The following DHX34 variants were observed in gnomAD, a reference collection of about 807,000 sequenced individuals.
DHX34 encodes DExH-box helicase 34.
DHX34 carries 96 observed loss-of-function variants against 111.1 expected under a neutral mutation model. That is an observed-to-expected ratio of 0.86 (90% CI 0.73 to 1.02). The LOEUF is 1.02. Among genes scored for constraint, DHX34 ranks in the 50% least tolerant of loss-of-function variants. DHX34 has a pLI of 0.00. For synonymous variants in DHX34, 688 were observed against 670.4 expected (o/e 1.03, Z -0.41); for missense variants, 1,560 against 1,579.9 (o/e 0.99, Z 0.21).
chr19:47,354,842 TG>T, intron 2 of DHX34, 196 bp from the exon 3 acceptor site: 2 of 505,744 alleles, frequency 4.0e-6, no homozygotes, highest in Non-Finnish European at 5.1e-6. Flanking sequence ...TTAGTAGAGA[TG>T]GGGTTTCTCT....
chr19:47,372,946 TCTGTCTGTCAC>T, intron 8 of DHX34, 23 bp downstream of exon 8: 1 of 1,378,368 alleles, frequency 7.3e-7, no homozygotes, highest in Non-Finnish European at 9.6e-7. Flanking sequence ...GTGGGGGCCC[TCTGTCTGTCAC>T]CCTGCTCAGG....
intron 3 of DHX34, chr19:47,357,613 AATTATC>A (rs1359309583): frequency 4.8e-6 from 2 of 417,372 alleles, no homozygotes; most frequent in African/African-American, 2.2e-5. Flanking sequence ...CACGACAAGG[AATTATC>A]CAGACTGAAA....
chr19:47,376,931 G>C, intron 12 of DHX34, 169 bp from the exon 13 acceptor site: 1 of 1,537,308 alleles, frequency 6.5e-7, no homozygotes, highest in Non-Finnish European at 8.7e-7. Flanking sequence ...CTGCGTGCTG[G>C]GAGTCACATT....
In DHX34 at chr19:47,353,506, G is replaced by A. The variant is rs116000939; in HGVS notation, c.476G>A (p.Arg159Gln). 952 of 1,613,888 alleles carry A rather than the reference G, an allele frequency of 5.9e-4. 2 individuals are homozygous for A. The African/African-American group carries it at 0.01, about 18-fold the overall frequency. ...FGRLAKLQRE[R>Q]AALPIAQYGN... is the part of the protein sequence containing the mutation. ...CGTCTGGCCAAGCTGCAGCGTGAGC[G>A]GGCAGCCCTCCCCATCGCCCAGTAT... The change falls in exon 2 of 17, where the codon CGG becomes CAG. Residue 159 changes from arginine (R) to glutamine (Q), a missense_variant. Coordinates refer to ENST00000328771, the MANE Select transcript of DHX34 (RefSeq NM_014681.6). The surrounding 1 kb of genome is among the most constrained non-coding windows in gnomAD (Gnocchi z 4.6).
chr19:47,364,397 G>A (rs1969728682), intron 6 of DHX34, among the ~76,000 whole-genome samples: 1 of 152,016 alleles, frequency 6.6e-6, no homozygotes, highest in African/African-American at 2.4e-5. Context: ...TCCTGCAGGA[G>A]GTGCACACTA....
chr19:47,375,659 A>T lies in DHX34; in HGVS notation c.2258A>T (p.Asp753Val). 6.4e-7 allele frequency: 1 copy of T among 1,557,488 alleles called. No individual in the cohort carries two copies. Reference sequence around the variant, plus strand: ...CAGGACGGCGGCTCCAGTGACGAGGACAGGGCTGGCCCAGCCCCCCCAGGG... The same window carrying T: ...CAGGACGGCGGCTCCAGTGACGAGGTCAGGGCTGGCCCAGCCCCCCCAGGG... ...EEQDGGSSDE[D>V]RAGPAPPGAS... is the part of the protein sequence containing the mutation. The change falls in exon 10 of 17, where the codon GAC (aspartate) becomes GTC (valine). Residue 753 changes from aspartate (D) to valine (V), a missense_variant. By Grantham distance (152) the Asp-to-Val change is radical (BLOSUM62 -3). Coordinates refer to ENST00000328771, the MANE Select transcript of DHX34 (RefSeq NM_014681.6).
intron 16 of DHX34, 113 bp from the exon 17 acceptor site, chr19:47,381,867 G>T: frequency 6.5e-7 from 1 of 1,530,226 alleles, no homozygotes; most frequent in Non-Finnish European, 8.7e-7. Context: ...GCAAAACTGG[G>T]TTCTCCAAAG....
rs1424976924 is a variant in DHX34 at position 47,375,714 on chromosome 19, CGCCATGG to C, written c.2307+9_2307+15del. ...GTGATGGCGTGGACATCCAGGTGGG[CGCCATGG>C]GCTGTGGGGTGTGGGGGTTTACCAA... On this transcript the variant is annotated splice_region_variant and intron_variant, in intron 10 of 16. Transcript: ENST00000328771. 1.3e-6 allele frequency: 2 copies of C among 1,561,034 alleles called. No individual in the cohort carries two copies. The highest frequency in any genetic ancestry group is 2.7e-5 in the African/African-American group (2 of 73,572).
chr19:47,376,373 G>GGAGGAGAGGCATCCTGGGCA, intron 11 of DHX34, 70 bp from the exon 12 acceptor site: 1 of 1,560,228 alleles, frequency 6.4e-7, no homozygotes, highest in Non-Finnish European at 8.7e-7. Context: ...GCCAGAGGGT[G>GGAGGAGAGGCATCCTGGGCA]GAGGAGAGGC....
Position 47,381,250 on chromosome 19 carries a change from A to AT in DHX34, c.3225dup (p.Ala1076CysfsTer12). The stretch of plus-strand genomic sequence containing the variant: ...TGGACCTGCCCCCACTGTGGCCTGC[A>AT]TGCGCCCCTCACGCCCCTGGAGCGC... On this transcript the variant is annotated frameshift_variant, in exon 16 of 17. Coordinates refer to ENST00000328771, the MANE Select transcript of DHX34 (RefSeq NM_014681.6). LOFTEE classifies it high-confidence loss of function. The AT allele has an allele frequency of 6.2e-7, 1 of 1,614,062 alleles. No individual in the cohort carries two copies.
rs1970123915 is a variant in DHX34, at chr19:47,375,665, C to T, written c.2264C>T (p.Ala755Val). 3.9e-6 allele frequency: 6 copies of T among 1,557,628 alleles called. No homozygotes were observed. Among genetic ancestry groups the T allele is most frequent in the Non-Finnish European group, 4.3e-6 (5 of 1,154,916 alleles). The change falls in exon 10 of 17, where the codon GCT becomes GTT. Residue 755 changes from alanine (A) to valine (V), a missense_variant. Coordinates refer to ENST00000328771, the MANE Select transcript of DHX34 (RefSeq NM_014681.6). ...GGCGGCTCCAGTGACGAGGACAGGG[C>T]TGGCCCAGCCCCCCCAGGGGCCAGT... ...QDGGSSDEDR[A>V]GPAPPGASDG...
chr19:47,379,634 C>T, intron 13 of DHX34, 76 bp from the exon 14 acceptor site: 17 of 1,514,102 alleles, frequency 1.1e-5, no homozygotes, highest in Non-Finnish European at 1.5e-5. Context: ...GGCAGGAGCC[C>T]AGCCGGGCAG....
chr19:47,376,520 C>A lies in DHX34; in HGVS notation c.2559C>A (p.His853Gln). The change falls in exon 12 of 17, where the codon CAC (histidine) becomes CAA (glutamine). Residue 853 changes from histidine to glutamine, a missense_variant. Transcript: ENST00000328771. ...TCGCTGGCAGCCCCGAGGTGCTGCA[C>A]GCACAGGAGCTGGAGGCCAGCAACT... ...CVFAGSPEVL[H>Q]AQELEASNCD... The A allele has an allele frequency of 3.1e-6, 5 of 1,587,490 alleles. No individual in the cohort carries two copies. Among genetic ancestry groups the A allele is most frequent in the Non-Finnish European group, 4.3e-6 (5 of 1,167,614 alleles).
chr19:47,379,580 ATGGCGGGTAGG>A (rs1420424797), intron 13 of DHX34, 119 bp from the exon 14 acceptor site: 12 of 1,475,634 alleles, frequency 8.1e-6, no homozygotes, highest in African/African-American at 1.4e-5. Context: ...CAGCGGGTAG[ATGGCGGGTAGG>A]TGGATGCCTC....
chr19:47,378,167 C>G (rs1970230479), intron 13 of DHX34, among the ~76,000 whole-genome samples: 1 of 152,146 alleles, frequency 6.6e-6, no homozygotes, highest in South Asian at 2.1e-4. Flanking sequence ...GAGGAACCTG[C>G]AGGCTCCTAG....
In DHX34 at chr19:47,362,759, TTTTTA is replaced by T. The variant is rs368173613; in HGVS notation, c.1593+91_1593+95del. The T allele has an allele frequency of 5.6e-4, 766 of 1,372,770 alleles. 3 individuals carry two copies. The highest frequency in any genetic ancestry group is 2.2e-3 in the Admixed American group (78 of 35,178). 85.0% of individuals were successfully genotyped at this position (1,372,770 alleles called of 1,614,324 possible). A position where few individuals can be genotyped will look rare whatever the true frequency, so the allele number is the denominator to read the frequency against. On this transcript the variant is annotated intron_variant, in intron 6 of 16. Transcript: ENST00000328771. Reference sequence around the variant, plus strand: ...GCACAGGGAGGAACCTGGGAGGCCTTTTTTATTTTATTTTATTTTATTTTATTTTG... The same window carrying T: ...GCACAGGGAGGAACCTGGGAGGCCTTTTTTATTTTATTTTATTTTATTTTG...
At chr19:47,371,292 CAG>C (rs1452217764) in intron 7 of DHX34, among the ~76,000 whole-genome samples, 1 of 152,210 alleles carries the variant, frequency 6.6e-6, no homozygotes, top group Non-Finnish European at 1.5e-5. Flanking sequence ...AAACGAGGCT[CAG>C]AGAACTGCTG....
At chr19:47,370,970 G>A (rs887590659) in intron 7 of DHX34, among the ~76,000 whole-genome samples, 1 of 152,196 alleles carries the variant, frequency 6.6e-6, no homozygotes, top group African/African-American at 2.4e-5. Context: ...CCCTGCGCCC[G>A]GCTTCATTTT....
At chr19:47,378,143 A>G (rs548001212) in intron 13 of DHX34, among the ~76,000 whole-genome samples, 3 of 152,088 alleles carry the variant, frequency 2.0e-5, no homozygotes, top group African/African-American at 7.2e-5. Flanking sequence ...GTCCCAGGGA[A>G]CGTGGAGGGG....
Sources: gnomAD v4.1 joint callset for allele counts (sites outside exome capture counted in the v4.1 genomes callset) on GRCh38, gnomAD v4.1.1 for gene constraint, Gnocchi (gnomAD v3.1) non-coding constraint, MANE v1.5 for transcripts, NCBI Gene and HGNC (gene_info 2026-07-23, HGNC 2026-07-21) for gene names.